The following WWOX variants were observed in gnomAD, a reference collection of about 807,000 sequenced individuals.
The protein encoded by WWOX is WW domain-containing oxidoreductase.
In WWOX, 69 loss-of-function variants were observed where a neutral mutation model predicts 46.2. The observed-to-expected ratio is 1.49, with a 90% confidence interval of 1.23 to 1.82. The LOEUF (loss-of-function observed/expected upper bound fraction) is 1.82, where lower values mean the gene tolerates loss of function less well. Ranked by LOEUF, WWOX falls within the 40% of genes most tolerant of loss-of-function variation. The pLI is 0.00. For synonymous variants in WWOX, 359 were observed against 202.6 expected (o/e 1.77, Z -6.56); for missense variants, 919 against 542.6 (o/e 1.69, Z -6.89).
chr16:78,769,920 G>A (rs1379811950), intron 8 of WWOX, among the ~76,000 whole-genome samples: 2 of 151,964 alleles, frequency 1.3e-5, no homozygotes, highest in African/African-American at 2.4e-5. Context: ...TGGAGCATGT[G>A]GGGGTCCCAG....
At chr16:78,659,312 G>T in intron 8 of WWOX, among the ~76,000 whole-genome samples, 1 of 152,022 alleles carries the variant, frequency 6.6e-6, no homozygotes, top group African/African-American at 2.4e-5. Flanking sequence ...CAGTTGCACA[G>T]CCTGAGCTCC....
chr16:79,201,105 G>A (rs750781485), intron 8 of WWOX, among the ~76,000 whole-genome samples: 3 of 152,138 alleles, frequency 2.0e-5, no homozygotes, highest in African/African-American at 7.2e-5. Context: ...GAGGCTCAGT[G>A]GCTTGTCATA....
At chr16:78,469,045 T>A (rs1352890522) in intron 8 of WWOX, among the ~76,000 whole-genome samples, 3 of 152,214 alleles carry the variant, frequency 2.0e-5, no homozygotes, top group Admixed American at 6.5e-5. Context: ...TAGATTGATT[T>A]TGTTGTAACA....
At chr16:78,601,170 C>T (rs558507011) in intron 8 of WWOX, among the ~76,000 whole-genome samples, 1 of 152,320 alleles carries the variant, frequency 6.6e-6, no homozygotes, top group Admixed American at 6.5e-5. Context: ...GCCTCTCTGC[C>T]ACTCATATAG....
chr16:78,833,825 G>A (rs1421765856), intron 8 of WWOX, among the ~76,000 whole-genome samples: 1 of 152,244 alleles, frequency 6.6e-6, no homozygotes, highest in East Asian at 1.9e-4. Context: ...ACAAGCAAGT[G>A]CAGGCTTCCA....
chr16:78,739,491 G>A (rs993843087), intron 8 of WWOX, among the ~76,000 whole-genome samples: 5 of 152,206 alleles, frequency 3.3e-5, no homozygotes, highest in African/African-American at 9.6e-5. Context: ...ACAACAGGTC[G>A]GTAAGAAGAG....
intron 8 of WWOX, among the ~76,000 whole-genome samples, chr16:79,009,498 C>T (rs569477250): frequency 5.3e-5 from 8 of 151,692 alleles, no homozygotes; most frequent in South Asian, 2.1e-4. Flanking sequence ...GATGGACTTT[C>T]GCTGTGTCAC....
At chr16:78,683,463 C>T (rs143168389) in intron 8 of WWOX, among the ~76,000 whole-genome samples, 5,226 of 151,728 alleles carry the variant, frequency 0.034, 111 homozygotes, top group African/African-American at 0.045. Flanking sequence ...TCACTTGAAC[C>T]GGGGAGGTGG....
chr16:78,580,172 C>G (rs886812326), intron 8 of WWOX, among the ~76,000 whole-genome samples: 3 of 151,598 alleles, frequency 2.0e-5, no homozygotes, highest in African/African-American at 7.3e-5. Context: ...CTCCCAAGTT[C>G]AAGTGATTCT....
intron 5 of WWOX, among the ~76,000 whole-genome samples, chr16:78,254,374 C>G (rs920439473): frequency 2.6e-5 from 4 of 151,964 alleles, no homozygotes; most frequent in Non-Finnish European, 5.9e-5. Context: ...TGTGAGCCAC[C>G]ACACCCAGCT....
intron 8 of WWOX, among the ~76,000 whole-genome samples, chr16:78,709,386 C>T (rs906906138): frequency 5.3e-5 from 8 of 152,312 alleles, no homozygotes; most frequent in East Asian, 3.9e-4. Flanking sequence ...TCGGCCATTC[C>T]GGTTCACAGG....
At chr16:78,181,966 T>A (rs545738209) in intron 5 of WWOX, among the ~76,000 whole-genome samples, 1 of 152,176 alleles carries the variant, frequency 6.6e-6, no homozygotes, top group Admixed American at 6.5e-5. Context: ...GCGAGTTCCT[T>A]TTCCGCACCA....
chr16:78,768,868 G>A (rs1387649402), intron 8 of WWOX, among the ~76,000 whole-genome samples: 1 of 152,124 alleles, frequency 6.6e-6, no homozygotes, highest in African/African-American at 2.4e-5. Context: ...AGGAGAGCAT[G>A]ACCCGCCAAT....
chr16:78,576,242 C>A (rs1270169804), intron 8 of WWOX, among the ~76,000 whole-genome samples: 4 of 152,176 alleles, frequency 2.6e-5, no homozygotes, highest in African/African-American at 4.8e-5. Flanking sequence ...TCCAGTTCTT[C>A]TATGTTTCAC....
intron 5 of WWOX, among the ~76,000 whole-genome samples, chr16:78,281,966 C>T (rs1359178765): frequency 2.6e-5 from 4 of 152,158 alleles, no homozygotes; most frequent in African/African-American, 4.8e-5. Context: ...CACTGGCAGA[C>T]GAGCACTGTC....
In WWOX at chr16:78,164,201, C is replaced by G; in HGVS notation, c.428C>G (p.Ser143Cys). The change falls in exon 5 of 9, where the codon TCT becomes TGT. Residue 143 changes from serine (S) to cysteine (C), a missense_variant. Physicochemically the swap from Ser to Cys is moderately radical, Grantham distance 112 (BLOSUM62 -1). Transcript: ENST00000566780. The part of the protein sequence containing the change: ...NSGIGFETAK[S>C]FALHGAHVIL... ...ACCATAGGGTTCGAAACCGCCAAGT[C>G]TTTTGCCCTCCATGGTGCACATGTG... 6.2e-7 allele frequency: 1 copy of G among 1,614,102 alleles called. No individual in the cohort carries two copies. The highest frequency in any genetic ancestry group is 8.5e-7 in the Non-Finnish European group (1 of 1,180,008).
intron 4 of WWOX, among the ~76,000 whole-genome samples, chr16:78,122,148 G>C (rs959784755): frequency 1.3e-5 from 2 of 151,984 alleles, no homozygotes; most frequent in Non-Finnish European, 2.9e-5. Context: ...TTTATCCTAG[G>C]TATGTATGTA....
chr16:78,855,069 A>G (rs1213678627), intron 8 of WWOX, among the ~76,000 whole-genome samples: 1 of 152,190 alleles, frequency 6.6e-6, no homozygotes, highest in African/African-American at 2.4e-5. Flanking sequence ...ACCTAGAAAG[A>G]TTAGGAAAGT....
chr16:78,492,124 T>C (rs1162265658), intron 8 of WWOX, among the ~76,000 whole-genome samples: 6 of 152,102 alleles, frequency 3.9e-5, no homozygotes, highest in African/African-American at 1.4e-4. Flanking sequence ...ACATGACAAG[T>C]AAATGAGCAA....
Sources: allele counts gnomAD v4.1 joint callset (sites outside exome capture counted in the v4.1 genomes callset), GRCh38; gene constraint gnomAD v4.1.1; transcripts MANE v1.5; gene names NCBI Gene and HGNC (gene_info 2026-07-23, HGNC 2026-07-21).